MBD4: variants seen among roughly 807,000 people sequenced by gnomAD.
The protein encoded by MBD4 is methyl-CpG-binding domain protein 4.
MBD4 carries 53 observed loss-of-function variants against 60.2 expected under a neutral mutation model. The observed-to-expected ratio is 0.88, with a 90% CI of 0.71 to 1.11. The LOEUF (loss-of-function observed/expected upper bound fraction) is 1.11, where lower values mean the gene tolerates loss of function less well. Ranked by LOEUF, MBD4 falls within the 50% of genes least tolerant of loss-of-function variation. MBD4 has a pLI of 0.00. For missense variants in MBD4, 619 were observed against 674.0 expected, an observed-to-expected ratio of 0.92 and a Z score of 0.90; for synonymous variants, 231 against 229.8, an observed-to-expected ratio of 1.01 and a Z score of -0.05.
chr3:129,431,923 T>C (rs1254593699), intron 7 of MBD4, among the ~76,000 whole-genome samples: 1 of 152,182 alleles, frequency 6.6e-6, no homozygotes, highest in Non-Finnish European at 1.5e-5. Flanking sequence ...ATTGCTCTGA[T>C]GAAGCTGGGA....
rs2072460178 is a variant in MBD4, at chr3:129,436,357, T to TAA, written c.1183+102_1183+103dup. 8.4e-6 allele frequency: 12 copies of TAA among 1,427,894 alleles called. No individual in the cohort carries two copies. The Admixed American group carries it at 2.0e-4, about 23-fold the overall frequency. The allele number at this position is 1,427,894 out of a possible 1,614,324, so 88.5% of individuals were successfully genotyped here. On this transcript the variant is annotated intron_variant, in intron 3 of 7. Transcript: ENST00000429544. ...ATTTCTTGGCTCTATTTTCACATCT[T>TAA]AACCATGTATGGGCACGAATACAAG... is the stretch of plus-strand genomic sequence containing the variant.
rs2107750184 is a variant in MBD4 at position 129,433,220 on chromosome 3, T to C, written c.1421A>G (p.Lys474Arg). 6.2e-7 allele frequency: 1 copy of C among 1,614,220 alleles called. No homozygotes were observed. Among genetic ancestry groups the C allele is most frequent in the Non-Finnish European group, 8.5e-7 (1 of 1,180,030 alleles). The change falls in exon 6 of 8, where the codon AAG becomes AGG. Residue 474 changes from lysine (K) to arginine (R), a missense_variant. By Grantham distance (26) the Lys-to-Arg change is conservative. Coordinates refer to ENST00000429544, the MANE Select transcript of MBD4 (RefSeq NM_001276270.2). ...AGCTGAAGGATACTTCTCCAGAAAC[T>C]TCCAAAGCACAGGTATTGCCATTTT... ...SGKMAIPVLW[K>R]FLEKYPSAEV...
intron 3 of MBD4, 149 bp downstream of exon 3, chr3:129,436,312 G>C: frequency 1.2e-6 from 1 of 834,910 alleles, no homozygotes; most frequent in Non-Finnish European, 1.9e-6. Flanking sequence ...AGGATCAACT[G>C]GTATCTCATA....
At chr3:129,432,101 C>A in intron 7 of MBD4, 1 of 1,115,382 alleles carries the variant, frequency 9.0e-7, no homozygotes, top group Non-Finnish European at 1.1e-6. Context: ...AGGACCCAGT[C>A]ACCACAAACG....
Position 129,434,059 on chromosome 3 carries a change from T to C in MBD4, c.1258+3A>G, listed in dbSNP as rs1050150072. The C allele has an allele frequency of 2.5e-6, 4 of 1,613,990 alleles. No homozygotes were observed. The highest frequency in any genetic ancestry group is 1.7e-6 in the Non-Finnish European group (2 of 1,179,950). On this transcript the variant is annotated splice_donor_region_variant and intron_variant, in intron 4 of 7. Transcript: ENST00000429544. ...TTTGCTGTTCTGATTGGGAAAGGGA[T>C]ACCTTCTTTGTTATATTTGCTGGAA...
chr3:129,432,531 C>T lies in MBD4; in HGVS notation c.1619G>A (p.Arg540Gln), dbSNP rs771518453. The T allele has an allele frequency of 9.3e-6, 15 of 1,614,176 alleles. No homozygotes were observed. The highest frequency in any genetic ancestry group is 1.1e-5 in the Non-Finnish European group (13 of 1,180,034). The change falls in exon 7 of 8, where the codon CGA becomes CAA. Residue 540 changes from arginine to glutamine, a missense_variant. Transcript: ENST00000429544. ...CTTCCACTCATTGACACAAAAAATT[C>T]GGTAAGAGTCGTTGCCATATTTACC... ...GIGKYGNDSYRIFCVNEWKQV... is the reference protein window; with the variant it reads ...GIGKYGNDSYQIFCVNEWKQV...
At chr3:129,435,278 C>CTTTTT (rs1452332149) in intron 3 of MBD4, among the ~76,000 whole-genome samples, 1 of 151,698 alleles carries the variant, frequency 6.6e-6, no homozygotes, top group Admixed American at 6.6e-5. Flanking sequence ...GATTTGACAA[C>CTTTTT]TTTTTCTGTG....
rs759680995 is a variant in MBD4 at position 129,433,842 on chromosome 3, C to A, written c.1393+8G>T. ...CTACTAAGACAAAGATGATAATAAT[C>A]CCCAAACCTGAGGTCCGATTGAGAA... On this transcript the variant is annotated splice_region_variant and intron_variant, in intron 5 of 7. Coordinates refer to ENST00000429544, the MANE Select transcript of MBD4 (RefSeq NM_001276270.2). 48 of 1,613,902 alleles carry A rather than the reference C, an allele frequency of 3.0e-5. No individual in the cohort carries two copies. The highest frequency in any genetic ancestry group is 4.0e-5 in the Non-Finnish European group (47 of 1,179,980).
chr3:129,439,925 C>A lies in MBD4; in HGVS notation c.-92G>T. The A allele has an allele frequency of 1.1e-6, 1 of 937,322 alleles. No homozygotes were observed. The highest frequency in any genetic ancestry group is 1.7e-6 in the Non-Finnish European group (1 of 587,048). The allele number at this position is 937,322 out of a possible 1,614,324, so 58.1% of individuals were successfully genotyped here. A position where few individuals can be genotyped will look rare whatever the true frequency, so the allele number is the denominator to read the frequency against. Reference sequence around the variant, plus strand: ...TGTGAAACCTCTTCAGCTCACGGCACCGGGCTGCAACCGAGGTCTGAATGT... The same window carrying A: ...TGTGAAACCTCTTCAGCTCACGGCAACGGGCTGCAACCGAGGTCTGAATGT... On this transcript the variant is annotated 5_prime_UTR_variant, in exon 1 of 8. Transcript: ENST00000429544.
chr3:129,432,639 A>G (rs113796473), intron 6 of MBD4, 33 bp from the exon 7 acceptor site: 2 of 1,604,300 alleles, frequency 1.2e-6, no homozygotes, highest in Non-Finnish European at 8.5e-7. Flanking sequence ...TTATCAGGTC[A>G]GCTTCTAAAG....
intron 5 of MBD4, 65 bp from the exon 6 acceptor site, chr3:129,433,312 T>C: frequency 6.4e-7 from 1 of 1,562,346 alleles, no homozygotes; most frequent in Non-Finnish European, 8.8e-7. Context: ...GTTCAAGTAG[T>C]TTCTCATAGA....
intron 5 of MBD4, 44 bp downstream of exon 5, chr3:129,433,806 C>A (rs972310994): frequency 3.1e-6 from 5 of 1,612,988 alleles, no homozygotes; most frequent in Non-Finnish European, 4.2e-6. Flanking sequence ...TTTCTCCCTA[C>A]CACACTGTCT....
rs3138361 is a variant in MBD4, at chr3:129,432,295, C to T, written c.1647+208G>A. 5.0e-4 allele frequency: 740 copies of T among 1,476,106 alleles called. 2 individuals are homozygous for T. In the African/African-American group the frequency reaches 8.8e-3, roughly 18 times the overall value. The allele number at this position is 1,476,106 out of a possible 1,614,324, so 91.4% of individuals were successfully genotyped here. Reference sequence around the variant, plus strand: ...ACCACTGGAGATGAGTCAGAGGCCACGCCGCTGGACTGGTCTTTGTGGACT... The same window carrying T: ...ACCACTGGAGATGAGTCAGAGGCCATGCCGCTGGACTGGTCTTTGTGGACT... On this transcript the variant is annotated intron_variant, in intron 7 of 7. Transcript: ENST00000429544.
chr3:129,436,829 T>C lies in MBD4; in HGVS notation c.815A>G (p.Asp272Gly), dbSNP rs2072472294. The stretch of plus-strand genomic sequence containing the variant: ...TTGTGCAACAGGTTCACTTTCAGCA[T>C]CTGCTTTATTACACACAGATTCTCT... ...SKRESVCNKA[D>G]AESEPVAQKS... The change falls in exon 3 of 8, where the codon GAT becomes GGT. Residue 272 changes from aspartate to glycine, a missense_variant. Coordinates refer to ENST00000429544, the MANE Select transcript of MBD4 (RefSeq NM_001276270.2). 1 of 1,614,060 alleles carries C rather than the reference T, an allele frequency of 6.2e-7. No individual in the cohort carries two copies. Among genetic ancestry groups the C allele is most frequent in the South Asian group, 1.1e-5 (1 of 91,088 alleles).
Position 129,432,623 on chromosome 3 carries a change from C to G in MBD4, c.1544-17G>C, listed in dbSNP as rs747763175. 2.5e-5 allele frequency: 40 copies of G among 1,612,316 alleles called. No individual in the cohort carries two copies. Among genetic ancestry groups the G allele is most frequent in the Non-Finnish European group, 3.4e-5 (40 of 1,178,538 alleles). On this transcript the variant is annotated splice_polypyrimidine_tract_variant and intron_variant, in intron 6 of 7. Transcript: ENST00000429544. ...GGTATTCATCTGAAGAATACAACAT[C>G]CCACATTATCAGGTCAGCTTCTAAA...
rs373768718 is a variant in MBD4 at position 129,437,793 on chromosome 3, A to G, written c.262T>C (p.Cys88Arg). 1.6e-5 allele frequency: 26 copies of G among 1,614,032 alleles called. No individual in the cohort carries two copies. Among genetic ancestry groups the G allele is most frequent in the Non-Finnish European group, 2.2e-5 (26 of 1,180,004 alleles). Residue 88 changes from cysteine (C) to arginine (R), a missense_variant, in exon 2 of 8, where the codon TGT becomes CGT. Transcript: ENST00000429544. ...TGCTTCACAACTCTTTCCCATCCAC[A>G]TGGGACAGACTTACGGCATTCTGTT... ...AGTECRKSVP[C>R]GWERVVKQRL...
chr3:129,431,678 A>G, intron 7 of MBD4, 100 bp from the exon 8 acceptor site: 1 of 808,610 alleles, frequency 1.2e-6, no homozygotes, highest in Admixed American at 1.7e-5. Flanking sequence ...GGGGGACAGT[A>G]CATTACGATA....
At position 129,433,260 on chromosome 3, in the gene MBD4, A is replaced by T. The variant is rs762778808; in HGVS notation, c.1394-13T>A. 6.2e-7 allele frequency: 1 copy of T among 1,614,108 alleles called. No homozygotes were observed. Among genetic ancestry groups the T allele is most frequent in the South Asian group, 1.1e-5 (1 of 91,082 alleles). On this transcript the variant is annotated splice_polypyrimidine_tract_variant and intron_variant, in intron 5 of 7. Coordinates refer to ENST00000429544, the MANE Select transcript of MBD4 (RefSeq NM_001276270.2). ...ATTGCCATTTTGCCTGGGAAGTAAA[A>T]GTAACTGAATGATTACAAGACTCCA...
Position 129,439,813 on chromosome 3 carries a change from C to G in MBD4, c.21G>C (p.Glu7Asp). MGTTGL[E>D]SLSLGDRGAA... Reference sequence around the variant, plus strand: ...CTCCGCGGTCCCCCAGACTCAGACTCTCCAGCCCAGTCGTGCCCATCGAGC... The same window carrying G: ...CTCCGCGGTCCCCCAGACTCAGACTGTCCAGCCCAGTCGTGCCCATCGAGC... Residue 7 changes from glutamate to aspartate, a missense_variant, in exon 1 of 8, where the codon GAG becomes GAC. By Grantham distance (45) the Glu-to-Asp change is conservative. Coordinates refer to ENST00000429544, the MANE Select transcript of MBD4 (RefSeq NM_001276270.2). 1 of 1,611,638 alleles carries G rather than the reference C, an allele frequency of 6.2e-7. No homozygotes were observed.
Sources: allele counts gnomAD v4.1 joint callset (sites outside exome capture counted in the v4.1 genomes callset), GRCh38; gene constraint gnomAD v4.1.1; transcripts MANE v1.5; gene names NCBI Gene and HGNC (gene_info 2026-07-23, HGNC 2026-07-21).